Variants in ALS2 observed in about 807,000 individuals in gnomAD.
The protein encoded by ALS2 is alsin.
ALS2 carries 117 observed loss-of-function variants against 203.4 expected under a neutral mutation model. The ratio of observed to expected loss-of-function variants is 0.58; its 90% CI spans 0.50 to 0.67. ALS2 has a LOEUF of 0.67. Among genes scored for constraint, ALS2 ranks in the 30% least tolerant of loss-of-function variants. The pLI is 0.00. For synonymous variants in ALS2, 718 were observed against 725.9 expected, an observed-to-expected ratio of 0.99 and a Z score of 0.17; for missense variants, 1,715 against 1,989.4, an observed-to-expected ratio of 0.86 and a Z score of 2.62.
At chr2:201,764,682 T>TAAATAAATAAAA (rs1419067685) in intron 3 of ALS2, among the ~76,000 whole-genome samples, 14 of 142,528 alleles carry the variant, frequency 9.8e-5, no homozygotes, top group African/African-American at 2.3e-4. Flanking sequence ...AATAAATAAA[T>TAAATAAATAAAA]AAAAGTGAAT....
chr2:201,703,997 G>T, intron 33 of ALS2, 125 bp downstream of exon 33: 1 of 770,078 alleles, frequency 1.3e-6, no homozygotes, highest in Non-Finnish European at 2.2e-6. Flanking sequence ...AACAAAATGT[G>T]CTCTAAAGGC....
chr2:201,776,355 G>A (rs1481408822), intron 1 of ALS2, among the ~76,000 whole-genome samples: 2 of 151,938 alleles, frequency 1.3e-5, no homozygotes, highest in African/African-American at 4.8e-5. Flanking sequence ...TCCTCTAATC[G>A]GAAATTATTC....
intron 9 of ALS2, among the ~76,000 whole-genome samples, chr2:201,745,815 G>T (rs559996244): frequency 2.0e-5 from 3 of 152,144 alleles, no homozygotes; most frequent in Admixed American, 6.5e-5. Flanking sequence ...TGGGCGTGGT[G>T]GTGGGCACCT....
chr2:201,745,297 C>T (rs1692557491), intron 9 of ALS2, among the ~76,000 whole-genome samples: 1 of 152,172 alleles, frequency 6.6e-6, no homozygotes, highest in African/African-American at 2.4e-5. Flanking sequence ...ATCCTCCAGT[C>T]TTGGCCTCCC....
intron 7 of ALS2, among the ~76,000 whole-genome samples, chr2:201,750,360 TA>T (rs1338232078): frequency 6.6e-6 from 1 of 152,212 alleles, no homozygotes; most frequent in African/African-American, 2.4e-5. Flanking sequence ...CCAGAGAGGT[TA>T]ATTTACCCAT....
intron 27 of ALS2, 48 bp downstream of exon 27, chr2:201,709,833 T>A (rs568397191): frequency 3.1e-6 from 5 of 1,611,116 alleles, no homozygotes; most frequent in East Asian, 4.5e-5. Flanking sequence ...AGCACTGGTA[T>A]AAAATAGTAT....
intron 19 of ALS2, among the ~76,000 whole-genome samples, chr2:201,726,033 C>T (rs1691141062): frequency 1.3e-5 from 2 of 152,104 alleles, no homozygotes; most frequent in South Asian, 4.1e-4. Context: ...TTTAAAAAGT[C>T]ATTAGAGCAT....
chr2:201,701,809 C>T lies in ALS2; in HGVS notation c.*42G>A. The T allele has an allele frequency of 1.9e-6, 3 of 1,596,098 alleles. No individual in the cohort carries two copies. Among genetic ancestry groups the T allele is most frequent in the Non-Finnish European group, 2.6e-6 (3 of 1,163,964 alleles). On this transcript the variant is annotated 3_prime_UTR_variant, in exon 34 of 34. Transcript: ENST00000264276. The stretch of plus-strand genomic sequence containing the variant: ...AGGAAGACTCCAGATGGTGTTATAA[C>T]ACTCTGTAGTAGATAATCCAGTTTT...
rs752904806 is a variant in ALS2, at chr2:201,729,186, AC to A, written c.2581-4del. The stretch of plus-strand genomic sequence containing the variant: ...AGTTTCTGATATTCTGGAGATGCCT[AC>A]AGGGCAAAAATTAAAGAGGAAAAAA... On this transcript the variant is annotated splice_region_variant and splice_polypyrimidine_tract_variant and intron_variant, in intron 13 of 33. Coordinates refer to ENST00000264276, the MANE Select transcript of ALS2 (RefSeq NM_020919.4). 1 of 1,613,658 alleles carries A rather than the reference AC, an allele frequency of 6.2e-7. No individual in the cohort carries two copies. The highest frequency in any genetic ancestry group is 1.1e-5 in the South Asian group (1 of 91,036).
chr2:201,747,898 G>C (rs1389491771), intron 8 of ALS2, among the ~76,000 whole-genome samples: 1 of 152,202 alleles, frequency 6.6e-6, no homozygotes, highest in African/African-American at 2.4e-5. Flanking sequence ...CAGGGCTCTA[G>C]GCCCCCACTC....
chr2:201,745,368 A>G (rs917340222), intron 9 of ALS2, among the ~76,000 whole-genome samples: 4 of 152,186 alleles, frequency 2.6e-5, no homozygotes, highest in Non-Finnish European at 4.4e-5. Context: ...CTTTAGCAAG[A>G]AAGATCTTGT....
In ALS2 at chr2:201,761,174, T is replaced by C. The variant is rs1475910854; in HGVS notation, c.820A>G (p.Thr274Ala). ...GTTTCAGTGGAGGGGCTGAGAGCAG[T>C]GCTGGCATGGTTTTCTGCCTGAGAT... ...TESQAENHAS[T>A]ALSPSTETLD... is the part of the protein sequence containing the mutation. The change falls in exon 4 of 34, where the codon ACT becomes GCT. Residue 274 changes from threonine (T) to alanine (A), a missense_variant. By Grantham distance (58) the Thr-to-Ala change is moderately conservative (BLOSUM62 0). Transcript: ENST00000264276. The C allele has an allele frequency of 6.2e-7, 1 of 1,614,218 alleles. No homozygotes were observed. The highest frequency in any genetic ancestry group is 8.5e-7 in the Non-Finnish European group (1 of 1,180,028).
chr2:201,727,825 G>A (rs770735049), intron 15 of ALS2, 50 bp from the exon 16 acceptor site: 51 of 1,502,184 alleles, frequency 3.4e-5, no homozygotes, highest in Non-Finnish European at 4.1e-5. Context: ...TGTAGACCTC[G>A]GGGACTCTGC....
At chr2:201,713,297 T>A (rs1236103105) in intron 25 of ALS2, among the ~76,000 whole-genome samples, 1 of 151,906 alleles carries the variant, frequency 6.6e-6, no homozygotes, top group Non-Finnish European at 1.5e-5. Context: ...TAATTTTGTA[T>A]TTTTAGTAGA....
chr2:201,772,234 C>T (rs148028976), intron 1 of ALS2, among the ~76,000 whole-genome samples: 11 of 152,100 alleles, frequency 7.2e-5, no homozygotes, highest in Non-Finnish European at 1.3e-4. Flanking sequence ...TTGTCCTGTA[C>T]GAGCCAAGGA....
At chr2:201,769,372 G>A (rs1383479589) in intron 1 of ALS2, among the ~76,000 whole-genome samples, 3 of 152,140 alleles carry the variant, frequency 2.0e-5, no homozygotes, top group African/African-American at 4.8e-5. Context: ...AATCTCTTCA[G>A]TAATGTATCT....
At position 201,744,284 on chromosome 2, in the gene ALS2, T is replaced by C; in HGVS notation, c.2144A>G (p.Gln715Arg). Residue 715 changes from glutamine to arginine, a missense_variant, in exon 10 of 34, where the codon CAG becomes CGG. Gln to Arg is a conservative substitution (Grantham distance 43). This residue lies in a region of ALS2 where 1,227 missense variants were observed against 1,413.5 expected (regional missense o/e 0.87). Coordinates refer to ENST00000264276, the MANE Select transcript of ALS2 (RefSeq NM_020919.4). The part of the protein sequence containing the change: ...FYSKLSDIKS[Q>R]ILRPLLSLEN... Reference sequence around the variant, plus strand: ...TAAACTGAGAAGAGGCCTGAGAATCTGAGATTTGATATCACTTAGTTTTGA... The same window carrying C: ...TAAACTGAGAAGAGGCCTGAGAATCCGAGATTTGATATCACTTAGTTTTGA... 1.2e-6 allele frequency: 2 copies of C among 1,614,144 alleles called. No homozygotes were observed. Among genetic ancestry groups the C allele is most frequent in the South Asian group, 2.2e-5 (2 of 91,086 alleles).
At chr2:201,719,715 G>A (rs987291124) in intron 23 of ALS2, among the ~76,000 whole-genome samples, 3 of 152,242 alleles carry the variant, frequency 2.0e-5, no homozygotes, top group Non-Finnish European at 4.4e-5. Context: ...AACAGGGAAT[G>A]CTGTAGCCTT....
In ALS2 at chr2:201,753,197, G is replaced by T. The variant is rs1488358694; in HGVS notation, c.1686C>A (p.Ile562=). The change falls in exon 7 of 34, where the codon ATC becomes ATA. Residue 562 remains isoleucine (I), a synonymous_variant. Transcript: ENST00000264276. Reference sequence around the variant, plus strand: ...AATGGTAACCACCTGCCTCCAGATGGATTACTTCTTTGCCATCCAGACATT... The same window carrying T: ...AATGGTAACCACCTGCCTCCAGATGTATTACTTCTTTGCCATCCAGACATT... ...CVKCLDGKEV[I]HLEAGGYHSL... 1.2e-6 allele frequency: 2 copies of T among 1,613,994 alleles called. No homozygotes were observed. The highest frequency in any genetic ancestry group is 1.3e-5 in the African/African-American group (1 of 74,934).
Sources: allele counts gnomAD v4.1 joint callset (sites outside exome capture counted in the v4.1 genomes callset), GRCh38; gene constraint gnomAD v4.1.1; regional missense constraint gnomAD v4.1.1; transcripts MANE v1.5; gene names NCBI Gene and HGNC (gene_info 2026-07-23, HGNC 2026-07-21).